CHST8: variants seen among roughly 807,000 people sequenced by gnomAD.
CHST8 encodes the protein carbohydrate sulfotransferase 8.
A neutral mutation model predicts 15.0 loss-of-function variants in CHST8; 10 were observed. The observed-to-expected ratio is 0.67, with a 90% CI of 0.41 to 1.13. The LOEUF (loss-of-function observed/expected upper bound fraction) is 1.13. Among genes scored for constraint, CHST8 ranks in the 50% most tolerant of loss-of-function variants. The pLI is 0.00. For synonymous variants in CHST8, 259 were observed against 256.6 expected (o/e 1.01, Z -0.09); for missense variants, 634 against 608.2 (o/e 1.04, Z -0.45).
Position 33,652,158 on chromosome 19 carries a change from C to T in CHST8, c.-163-15609C>T, listed in dbSNP as rs183234978. Among the ~76,000 whole-genome samples the T allele has an allele frequency of 5.3e-3, 799 of 152,054 alleles. 9 individuals are homozygous for T. Among genetic ancestry groups the T allele is most frequent in the South Asian group, 0.039 (188 of 4,810 alleles). On this transcript the variant is annotated intron_variant, in intron 1 of 4. Coordinates refer to ENST00000650847, the MANE Select transcript of CHST8 (RefSeq NM_001127895.2). ...TATTTCCTTTTTCTTTGTGTAATAA[C>T]TCTTTTAAATCCCATCAATGCTTTT... is the stretch of plus-strand genomic sequence containing the variant.
intron 3 of CHST8, among the ~76,000 whole-genome samples, chr19:33,718,817 A>G (rs1973718730): frequency 6.6e-6 from 1 of 152,210 alleles, no homozygotes; most frequent in Admixed American, 6.5e-5. Context: ...GCCCTGCTGG[A>G]TCCAGTGGGG....
intron 2 of CHST8, among the ~76,000 whole-genome samples, chr19:33,668,619 G>T (rs7250990): frequency 6.6e-6 from 1 of 152,012 alleles, no homozygotes; most frequent in Non-Finnish European, 1.5e-5. Context: ...CAAGGAGGGA[G>T]GGGAAGAGTT....
chr19:33,633,774 CGTGTGTGTGTGTGT>C (rs55655047), intron 1 of CHST8, among the ~76,000 whole-genome samples: 4,949 of 141,146 alleles, frequency 0.035, 293 homozygotes, highest in African/African-American at 0.12. Context: ...TTTTCTTTTT[CGTGTGTGTGTGTGT>C]GTGTGTGTGT....
At chr19:33,688,805 G>A (rs114395189) in intron 2 of CHST8, among the ~76,000 whole-genome samples, 1,568 of 152,272 alleles carry the variant, frequency 0.01, 23 homozygotes, top group African/African-American at 0.036. Flanking sequence ...CAGTACCTAG[G>A]CCCCCGCCCT....
At chr19:33,752,649 T>C (rs1974444548) in intron 3 of CHST8, among the ~76,000 whole-genome samples, 1 of 152,172 alleles carries the variant, frequency 6.6e-6, no homozygotes, top group Non-Finnish European at 1.5e-5. Context: ...TAGCAGTGTC[T>C]GTCAGGGCTG....
Position 33,772,082 on chromosome 19 carries a change from G to A in CHST8, c.294G>A (p.Pro98=), listed in dbSNP as rs750673635. Residue 98 remains proline (P), a synonymous_variant, in exon 5 of 5, where the codon CCG becomes CCA. Transcript: ENST00000650847. ...CAGCGCCTGACCAGCCTCAACCCCC[G>A]CTGCAGAGGGGAACCCGTCTGCGGC... ...NLPAPDQPQP[P]LQRGTRLRLR... 4 of 1,612,348 alleles carry A rather than the reference G, an allele frequency of 2.5e-6. No homozygotes were observed. The highest frequency in any genetic ancestry group is 1.1e-5 in the South Asian group (1 of 91,042).
intron 3 of CHST8, among the ~76,000 whole-genome samples, chr19:33,768,712 C>T (rs1171185646): frequency 6.6e-6 from 1 of 152,130 alleles, no homozygotes; most frequent in African/African-American, 2.4e-5. Flanking sequence ...TCTCAGCCTC[C>T]CAAGTGCTGG....
chr19:33,701,699 T>C (rs1424695489), intron 3 of CHST8, among the ~76,000 whole-genome samples: 2 of 152,226 alleles, frequency 1.3e-5, no homozygotes, highest in Non-Finnish European at 2.9e-5. Context: ...ATTTATAAAA[T>C]GAGACAATGT....
At chr19:33,741,871 A>T (rs1974200255) in intron 3 of CHST8, among the ~76,000 whole-genome samples, 1 of 152,134 alleles carries the variant, frequency 6.6e-6, no homozygotes, top group East Asian at 1.9e-4. Flanking sequence ...GGGTTTTGCC[A>T]GCTGTCACAT....
chr19:33,702,271 C>A (rs1352649851), intron 3 of CHST8, among the ~76,000 whole-genome samples: 1 of 152,100 alleles, frequency 6.6e-6, no homozygotes, highest in African/African-American at 2.4e-5. Flanking sequence ...TAGGCGTGAG[C>A]CACCACACCC....
intron 3 of CHST8, among the ~76,000 whole-genome samples, chr19:33,710,872 G>GT (rs10532515): frequency 0.017 from 2,332 of 138,566 alleles, 21 homozygotes; most frequent in African/African-American, 0.035. Context: ...AATTTCTGGA[G>GT]TTTTTTTTTT....
At chr19:33,771,815 G>A (rs565103445) in intron 4 of CHST8, 142 bp from the exon 5 acceptor site, 1 of 1,007,302 alleles carries the variant, frequency 9.9e-7, no homozygotes, top group East Asian at 2.5e-5. Context: ...GCTCAGACCG[G>A]AGGGGTCTCA....
chr19:33,631,312 C>T (rs924775845), intron 1 of CHST8, among the ~76,000 whole-genome samples: 1 of 152,202 alleles, frequency 6.6e-6, no homozygotes, highest in Non-Finnish European at 1.5e-5. Context: ...TTGATTCTGA[C>T]TTCCAAAGAC....
intron 1 of CHST8, among the ~76,000 whole-genome samples, chr19:33,662,779 C>T (rs1444123924): frequency 2.0e-5 from 3 of 152,198 alleles, no homozygotes; most frequent in Non-Finnish European, 4.4e-5. Context: ...GAACGCCAAC[C>T]TTTGCTGCAC....
At chr19:33,640,858 C>G (rs1972274649) in intron 1 of CHST8, among the ~76,000 whole-genome samples, 1 of 152,074 alleles carries the variant, frequency 6.6e-6, no homozygotes, top group Non-Finnish European at 1.5e-5. Context: ...GCTGCTCTGC[C>G]CAGGTGTGGG....
intron 3 of CHST8, among the ~76,000 whole-genome samples, chr19:33,742,354 G>A (rs145137516): frequency 1.8e-4 from 28 of 152,304 alleles, no homozygotes; most frequent in Admixed American, 2.6e-4. Flanking sequence ...CTGTACAAGC[G>A]TGGCACCAAC....
At chr19:33,671,800 T>C (rs1356688905) in intron 2 of CHST8, among the ~76,000 whole-genome samples, 1 of 151,818 alleles carries the variant, frequency 6.6e-6, no homozygotes, top group East Asian at 2.0e-4. Context: ...AGTGGAATTC[T>C]ATGAGGGCAG....
At chr19:33,730,693 G>A (rs1184877818) in intron 3 of CHST8, among the ~76,000 whole-genome samples, 1 of 152,224 alleles carries the variant, frequency 6.6e-6, no homozygotes, top group Non-Finnish European at 1.5e-5. Context: ...ATAGATGTAT[G>A]TATGAGGGGG....
At chr19:33,732,174 A>G (rs1041499362) in intron 3 of CHST8, among the ~76,000 whole-genome samples, 10 of 152,180 alleles carry the variant, frequency 6.6e-5, no homozygotes, top group Non-Finnish European at 8.8e-5. Flanking sequence ...CTTACTTTAA[A>G]GATGAGGTCA....
Sources: gnomAD v4.1 joint callset for allele counts (sites outside exome capture counted in the v4.1 genomes callset) on GRCh38, gnomAD v4.1.1 for gene constraint, MANE v1.5 for transcripts, NCBI Gene and HGNC (gene_info 2026-07-23, HGNC 2026-07-21) for gene names.